Variants in DSC1 observed in about 807,000 individuals in gnomAD.
The protein encoded by DSC1 is desmocollin 1.
A neutral mutation model predicts 98.8 loss-of-function variants in DSC1; 79 were observed. The observed-to-expected ratio is 0.80, with a 90% CI of 0.67 to 0.96. DSC1 has a LOEUF of 0.96. DSC1 is among the 50% of genes least tolerant of loss of function. The pLI, the probability that DSC1 is intolerant of heterozygous loss-of-function variation, is 0.00. For missense variants in DSC1, 1,115 were observed against 1,075.9 expected (o/e 1.04, Z -0.51); for synonymous variants, 405 against 372.1 (o/e 1.09, Z -1.02).
In DSC1 at chr18:31,140,258, C is replaced by T. The variant is rs767424861; in HGVS notation, c.1304G>A (p.Gly435Asp). Residue 435 changes from glycine to aspartate, a missense_variant, in exon 10 of 16, where the codon GGT (glycine) becomes GAT (aspartate). Coordinates refer to ENST00000257198, the MANE Select transcript of DSC1 (RefSeq NM_024421.2). ...AGAGAATTGTGCCTCGTTAATGACA[C>T]CAACTTGCAAAATAACTTGGCGATT... ...EVNRQVILQVGVINEAQFSKA... is the reference protein window; with the variant it reads ...EVNRQVILQVDVINEAQFSKA... 8.1e-6 allele frequency: 13 copies of T among 1,613,828 alleles called. 1 individual carries two copies. The South Asian group carries it at 1.1e-4, about 14-fold the overall frequency.
chr18:31,140,190 C>T lies in DSC1; in HGVS notation c.1372G>A (p.Val458Ile). ...SQTPTMCTTT[V>I]TVKIIDSDEG... ...TCACTGTCTATAATTTTAACGGTGA[C>T]AGTTGTAGTGCACATTGTAGGAGTT... The change falls in exon 10 of 16, where the codon GTC (valine) becomes ATC (isoleucine). Residue 458 changes from valine (V) to isoleucine (I), a missense_variant. Val to Ile is a conservative substitution (Grantham distance 29, BLOSUM62 3). Coordinates refer to ENST00000257198, the MANE Select transcript of DSC1 (RefSeq NM_024421.2). 6.2e-7 allele frequency: 1 copy of T among 1,613,982 alleles called. No homozygotes were observed. The highest frequency in any genetic ancestry group is 8.5e-7 in the Non-Finnish European group (1 of 1,179,930).
At chr18:31,132,188 A>T (rs1423751600) in intron 14 of DSC1, 1 of 362,912 alleles carries the variant, frequency 2.8e-6, no homozygotes, top group Admixed American at 4.3e-5. Flanking sequence ...GCACACATGG[A>T]GAATCGCCAT....
intron 5 of DSC1, among the ~76,000 whole-genome samples, chr18:31,151,058 T>C (rs1568003258): frequency 1.3e-5 from 2 of 152,206 alleles, no homozygotes; most frequent in African/African-American, 2.4e-5. Context: ...AGTCTCCTTA[T>C]CCAACCTACT....
At chr18:31,154,969 T>C in intron 4 of DSC1, 40 bp from the exon 5 acceptor site, 1 of 1,603,740 alleles carries the variant, frequency 6.2e-7, no homozygotes. Context: ...TACGTCATGA[T>C]GAATATTTTC....
intron 2 of DSC1, among the ~76,000 whole-genome samples, chr18:31,157,998 G>A (rs1989134899): frequency 6.6e-6 from 1 of 152,202 alleles, no homozygotes; most frequent in South Asian, 2.1e-4. Flanking sequence ...AGAAAACTAA[G>A]TGGCTCACAC....
At chr18:31,137,868 G>A (rs773271187) in intron 11 of DSC1, among the ~76,000 whole-genome samples, 1 of 152,040 alleles carries the variant, frequency 6.6e-6, no homozygotes, top group Non-Finnish European at 1.5e-5. Flanking sequence ...ACATCAGCCA[G>A]ACTGACAGAG....
At chr18:31,159,093 C>T (rs1304045731) in intron 2 of DSC1, among the ~76,000 whole-genome samples, 3 of 75,288 alleles carry the variant, frequency 4.0e-5, no homozygotes, top group Non-Finnish European at 7.7e-5. Flanking sequence ...GTCGCCCAGG[C>T]CGGACTGCGG....
At chr18:31,132,384 T>C (rs1236333719) in intron 14 of DSC1, 184 bp downstream of exon 14, 2 of 677,170 alleles carry the variant, frequency 3.0e-6, no homozygotes, top group Non-Finnish European at 4.7e-6. Flanking sequence ...CAGTTTGTTG[T>C]GACAGCCCTA....
chr18:31,147,123 C>T (rs952779421), intron 6 of DSC1, among the ~76,000 whole-genome samples: 1 of 151,770 alleles, frequency 6.6e-6, no homozygotes, highest in African/African-American at 2.4e-5. Flanking sequence ...GGGTCACAGA[C>T]TTGGCTGCAC....
chr18:31,150,309 CCA>C lies in DSC1; in HGVS notation c.628-1669_628-1668del, dbSNP rs1568002702. ...ACCACCACCACTACCATCATCACCA[CCA>C]CTACTACCATCATCACCACCACCAC... On this transcript the variant is annotated intron_variant, in intron 5 of 15. Transcript: ENST00000257198. Among the ~76,000 whole-genome samples the C allele has an allele frequency of 1.1e-4, 6 of 54,338 alleles. 1 individual carries two copies. The highest frequency in any genetic ancestry group is 2.8e-4 in the Admixed American group (1 of 3,564). The allele number at this position is 54,338 out of a possible 152,430, so 35.6% of individuals were successfully genotyped here. A position where few individuals can be genotyped will look rare whatever the true frequency, so the allele number is the denominator to read the frequency against.
In DSC1 at chr18:31,129,775, T is replaced by C. The variant is rs1988444299; in HGVS notation, c.*739A>G. On this transcript the variant is annotated 3_prime_UTR_variant, in exon 16 of 16. Coordinates refer to ENST00000257198, the MANE Select transcript of DSC1 (RefSeq NM_024421.2). ...CCCATGGACCTCAGGGCTGCAATTC[T>C]TTCATGGAAATCTTCTCATGTAATC... 6.6e-6 allele frequency: 1 copy of C among 152,218 alleles called. No individual in the cohort carries two copies. The highest frequency in any genetic ancestry group is 2.4e-5 in the African/African-American group (1 of 41,450). The allele number at this position is 152,218 out of a possible 1,614,324, so 9.4% of individuals were successfully genotyped here.
chr18:31,159,064 T>TTTTTTTTTTTTTTTTTTTC (rs1398116576), intron 2 of DSC1, among the ~76,000 whole-genome samples: 1 of 99,742 alleles, frequency 1.0e-5, no homozygotes, highest in African/African-American at 3.5e-5. Flanking sequence ...TTTTTTTTTT[T>TTTTTTTTTTTTTTTTTTTC]GAGACAGAGT....
chr18:31,133,417 C>T (rs541458320), intron 13 of DSC1, among the ~76,000 whole-genome samples: 8 of 152,146 alleles, frequency 5.3e-5, no homozygotes, highest in East Asian at 1.9e-4. Context: ...TTTTCACTCA[C>T]GGAAGTCTTA....
intron 14 of DSC1, 120 bp downstream of exon 14, chr18:31,132,448 C>T: frequency 4.3e-6 from 6 of 1,384,536 alleles, no homozygotes; most frequent in Non-Finnish European, 5.9e-6. Flanking sequence ...GCACTTGAAA[C>T]TCTGCTTAGC....
chr18:31,142,164 T>G lies in DSC1; in HGVS notation c.1095A>C (p.Glu365Asp). Residue 365 changes from glutamate to aspartate, a missense_variant, in exon 9 of 16, where the codon GAA becomes GAC. Glu to Asp is a conservative substitution (Grantham distance 45). Coordinates refer to ENST00000257198, the MANE Select transcript of DSC1 (RefSeq NM_024421.2). ...TETSYVTEVEENRIDVEILRM... is the reference protein window; with the variant it reads ...TETSYVTEVEDNRIDVEILRM... ...GTAAAATCTCCACGTCAATTCTGTT[T>G]TCTTCTACTTCTGTAACATACTGAA... The G allele has an allele frequency of 6.2e-7, 1 of 1,612,198 alleles. No individual in the cohort carries two copies. The highest frequency in any genetic ancestry group is 1.1e-5 in the South Asian group (1 of 90,596).
Position 31,155,596 on chromosome 18 carries a change from C to T in DSC1, c.471+447G>A, listed in dbSNP as rs1440017186. 2.0e-5 allele frequency among the ~76,000 whole-genome samples: 3 copies of T among 152,296 alleles called. No homozygotes were observed. The East Asian group carries it at 5.8e-4, about 29-fold the overall frequency. Reference sequence around the variant, plus strand: ...GGTGAGCTGAGCTGATGCCACTATACTCCAAAATTTCAAAACTGTTCTATG... The same window carrying T: ...GGTGAGCTGAGCTGATGCCACTATATTCCAAAATTTCAAAACTGTTCTATG... On this transcript the variant is annotated intron_variant, in intron 4 of 15. Transcript: ENST00000257198.
Position 31,159,519 on chromosome 18 carries a change from A to C in DSC1, c.74T>G (p.Leu25Ter), listed in dbSNP as rs1352917165. Residue 25 changes from leucine (L) to a stop codon, truncating the protein, a stop_gained, in exon 2 of 16, where the codon TTA becomes TGA. Coordinates refer to ENST00000257198, the MANE Select transcript of DSC1 (RefSeq NM_024421.2). LOFTEE classifies it high-confidence loss of function. ...AACTTTCTGACAAGCATCGCAAAGTAATGTTAAAACCTCAAAAAAAAAAAA... is the reference window on the plus strand; with the variant it reads ...AACTTTCTGACAAGCATCGCAAAGTCATGTTAAAACCTCAAAAAAAAAAAA... Reference protein sequence around the residue: ...QLLFSLLVLTLLCDACQKVYL... With the variant: ...QLLFSLLVLT 6.3e-7 allele frequency: 1 copy of C among 1,591,002 alleles called. No homozygotes were observed. Among genetic ancestry groups the C allele is most frequent in the Non-Finnish European group, 8.5e-7 (1 of 1,170,924 alleles).
In DSC1 at chr18:31,139,778, A is replaced by G; in HGVS notation, c.1633T>C (p.Tyr545His). 1 of 1,609,974 alleles carries G rather than the reference A, an allele frequency of 6.2e-7. No individual in the cohort carries two copies. The highest frequency in any genetic ancestry group is 8.5e-7 in the Non-Finnish European group (1 of 1,178,530). Residue 545 changes from tyrosine to histidine, a missense_variant, in exon 11 of 16, where the codon TAC (tyrosine) becomes CAC (histidine). By Grantham distance (83) the Tyr-to-His change is moderately conservative. Transcript: ENST00000257198. ...RESKFVKNNQ[Y>H]NISVVAVDAV... ...TCCACTGCAACAACTGAAATATTGT[A>G]TTGGTTGTTTTTTACAAATTTGGAT...
chr18:31,157,003 A>G (rs1050175760), intron 3 of DSC1, among the ~76,000 whole-genome samples: 19 of 152,290 alleles, frequency 1.2e-4, no homozygotes, highest in African/African-American at 4.6e-4. Flanking sequence ...GTGGGAAGAG[A>G]GCCGCACAGG....
Sources: allele counts gnomAD v4.1 joint callset (sites outside exome capture counted in the v4.1 genomes callset), GRCh38; gene constraint gnomAD v4.1.1; transcripts MANE v1.5; gene names NCBI Gene and HGNC (gene_info 2026-07-23, HGNC 2026-07-21).